The following PDGFD variants were observed in gnomAD, a reference collection of about 807,000 sequenced individuals.
PDGFD encodes the protein platelet-derived growth factor D.
A neutral mutation model predicts 44.7 loss-of-function variants in PDGFD; 30 were observed. The observed-to-expected ratio is 0.67, with a 90% confidence interval of 0.50 to 0.91. The LOEUF (loss-of-function observed/expected upper bound fraction) is 0.91. PDGFD is among the 40% of genes least tolerant of loss of function. PDGFD has a pLI of 0.00. For missense variants in PDGFD, 445 were observed against 457.8 expected, an observed-to-expected ratio of 0.97 and a Z score of 0.25; for synonymous variants, 173 against 168.4, an observed-to-expected ratio of 1.03 and a Z score of -0.21.
At chr11:103,952,360 A>G (rs746516524) in intron 3 of PDGFD, among the ~76,000 whole-genome samples, 1 of 152,250 alleles carries the variant, frequency 6.6e-6, no homozygotes, top group Non-Finnish European at 1.5e-5. Flanking sequence ...TTATTCTAAG[A>G]GGAGATAACT....
At chr11:104,107,855 A>G (rs12224685) in intron 1 of PDGFD, among the ~76,000 whole-genome samples, 18,388 of 152,134 alleles carry the variant, frequency 0.12, 1,353 homozygotes, top group East Asian at 0.32. Flanking sequence ...GCTGTCACAT[A>G]GTAAGCTCCA....
At chr11:103,945,949 G>A (rs1272335284) in intron 4 of PDGFD, 2 of 152,192 alleles carry the variant, frequency 1.3e-5, no homozygotes, top group Non-Finnish European at 2.9e-5. Flanking sequence ...AAATATTTAT[G>A]AATGATGAGG....
rs543452699 is a variant in PDGFD at position 104,100,986 on chromosome 11, G to A, written c.124+62818C>T. ...AAGAGCTATTTATGACAAACCCACAGCCAATATCATACTGAATGGGCAAAA... is the reference window on the plus strand; with the variant it reads ...AAGAGCTATTTATGACAAACCCACAACCAATATCATACTGAATGGGCAAAA... On this transcript the variant is annotated intron_variant, in intron 1 of 6. Coordinates refer to ENST00000393158, the MANE Select transcript of PDGFD (RefSeq NM_025208.5). Among the ~76,000 whole-genome samples, 5 of 152,206 alleles carry A rather than the reference G, an allele frequency of 3.3e-5. No individual in the cohort carries two copies. In the East Asian group the frequency reaches 9.7e-4, roughly 29 times the overall value.
At chr11:104,064,231 C>T (rs977577199) in intron 1 of PDGFD, among the ~76,000 whole-genome samples, 2 of 152,218 alleles carry the variant, frequency 1.3e-5, no homozygotes, top group Non-Finnish European at 2.9e-5. Context: ...TCACCTAAAA[C>T]TGACTGTGTT....
chr11:104,078,684 T>C (rs1399578904), intron 1 of PDGFD, among the ~76,000 whole-genome samples: 1 of 135,056 alleles, frequency 7.4e-6, no homozygotes, highest in African/African-American at 3.0e-5. Flanking sequence ...CCAGTCAGTA[T>C]GAAATTCCTG....
chr11:103,937,348 T>A (rs912836686), intron 5 of PDGFD, among the ~76,000 whole-genome samples: 1 of 152,178 alleles, frequency 6.6e-6, no homozygotes, highest in African/African-American at 2.4e-5. Flanking sequence ...ACTATCATTC[T>A]AGAAAGTCAA....
intron 1 of PDGFD, among the ~76,000 whole-genome samples, chr11:104,066,271 C>T (rs1008599513): frequency 6.6e-6 from 1 of 151,954 alleles, no homozygotes; most frequent in Admixed American, 6.6e-5. Context: ...ATAACAAAGA[C>T]ATAAAAATAA....
In PDGFD at chr11:104,137,540, A is replaced by G. The variant is rs1483503; in HGVS notation, c.124+26264T>C. Among the ~76,000 whole-genome samples, 1,521 of 152,260 alleles carry G rather than the reference A, an allele frequency of 1.0e-2. 29 individuals are homozygous for G. Among genetic ancestry groups the G allele is most frequent in the African/African-American group, 0.035 (1,441 of 41,554 alleles). On this transcript the variant is annotated intron_variant, in intron 1 of 6. Coordinates refer to ENST00000393158, the MANE Select transcript of PDGFD (RefSeq NM_025208.5). Reference sequence around the variant, plus strand: ...TATTTGGTAAATTTTACAGTGATCCAAAAAGTACTGAGTCTCTTTAGTATT... The same window carrying G: ...TATTTGGTAAATTTTACAGTGATCCGAAAAGTACTGAGTCTCTTTAGTATT...
At chr11:103,920,903 T>G (rs947475000) in intron 6 of PDGFD, among the ~76,000 whole-genome samples, 1 of 152,242 alleles carries the variant, frequency 6.6e-6, no homozygotes, top group African/African-American at 2.4e-5. Flanking sequence ...TTACACAATT[T>G]CATTAAGATT....
At chr11:103,989,069 G>C (rs989168535) in intron 3 of PDGFD, among the ~76,000 whole-genome samples, 5 of 151,602 alleles carry the variant, frequency 3.3e-5, no homozygotes, top group African/African-American at 1.2e-4. Flanking sequence ...TCATCATCAG[G>C]ACTGTCCCAC....
intron 1 of PDGFD, among the ~76,000 whole-genome samples, chr11:104,143,755 A>AGAT (rs1485527415): frequency 6.6e-6 from 1 of 152,250 alleles, no homozygotes; most frequent in African/African-American, 2.4e-5. Context: ...AGTAAAATAC[A>AGAT]GATGAATCAA....
intron 1 of PDGFD, among the ~76,000 whole-genome samples, chr11:104,118,311 C>T (rs1053668208): frequency 6.6e-6 from 1 of 151,786 alleles, no homozygotes; most frequent in African/African-American, 2.4e-5. Context: ...TGCTTCTCCT[C>T]TCTACTCTAG....
chr11:104,136,162 C>A (rs541730145), intron 1 of PDGFD, among the ~76,000 whole-genome samples: 1 of 152,272 alleles, frequency 6.6e-6, no homozygotes, highest in Non-Finnish European at 1.5e-5. Context: ...ACTCAGCTTG[C>A]TTGTACACAG....
At chr11:103,994,192 C>T (rs1452588230) in intron 3 of PDGFD, among the ~76,000 whole-genome samples, 1 of 152,208 alleles carries the variant, frequency 6.6e-6, no homozygotes, top group Non-Finnish European at 1.5e-5. Flanking sequence ...TTCCAACTGA[C>T]TTATGGAACA....
chr11:104,151,392 A>T (rs1031144143), intron 1 of PDGFD, among the ~76,000 whole-genome samples: 3 of 152,208 alleles, frequency 2.0e-5, no homozygotes, highest in African/African-American at 7.2e-5. Flanking sequence ...ACATATTTTA[A>T]GTATATTTAA....
intron 3 of PDGFD, among the ~76,000 whole-genome samples, chr11:103,963,798 T>C (rs777535182): frequency 1.3e-5 from 2 of 152,086 alleles, no homozygotes; most frequent in Non-Finnish European, 1.5e-5. Flanking sequence ...ATAAAAACAA[T>C]CTATGCATAT....
intron 5 of PDGFD, among the ~76,000 whole-genome samples, chr11:103,929,236 C>G (rs1038342719): frequency 2.6e-5 from 4 of 152,138 alleles, no homozygotes; most frequent in African/African-American, 9.7e-5. Flanking sequence ...CCCCCTTTTG[C>G]TCCATAGTCT....
At chr11:103,983,806 C>T (rs187765) in intron 3 of PDGFD, among the ~76,000 whole-genome samples, 78,835 of 151,490 alleles carry the variant, frequency 0.52, 21,301 homozygotes, top group South Asian at 0.63. Flanking sequence ...CCGACAATCA[C>T]ATGAAAAAAC....
intron 4 of PDGFD, among the ~76,000 whole-genome samples, chr11:103,946,808 G>A (rs959903818): frequency 5.3e-5 from 8 of 152,222 alleles, no homozygotes; most frequent in African/African-American, 1.4e-4. Context: ...ATCCATACCA[G>A]GTGAATTAAA....
Sources: gnomAD v4.1 joint callset for allele counts (sites outside exome capture counted in the v4.1 genomes callset) on GRCh38, gnomAD v4.1.1 for gene constraint, MANE v1.5 for transcripts, NCBI Gene and HGNC (gene_info 2026-07-23, HGNC 2026-07-21) for gene names.